FHOD3: variants seen among roughly 807,000 people sequenced by gnomAD.
The protein encoded by FHOD3 is formin homology 2 domain containing 3.
A neutral mutation model predicts 173.0 loss-of-function variants in FHOD3; 90 were observed. The observed-to-expected ratio is 0.52, with a 90% CI of 0.44 to 0.62. The LOEUF (loss-of-function observed/expected upper bound fraction) is 0.62. Among genes scored for constraint, FHOD3 ranks in the 20% least tolerant of loss-of-function variants. FHOD3 has a pLI of 0.00. For synonymous variants in FHOD3, 828 were observed against 823.0 expected (o/e 1.01, Z -0.10); for missense variants, 1,945 against 2,034.7 (o/e 0.96, Z 0.85).
At chr18:36,708,106 A>G (rs1172466023) in intron 17 of FHOD3, among the ~76,000 whole-genome samples, 1 of 152,228 alleles carries the variant, frequency 6.6e-6, no homozygotes, top group Non-Finnish European at 1.5e-5. Flanking sequence ...TTAAAAAAGC[A>G]TAAGCCAGAT....
At position 36,424,341 on chromosome 18, in the gene FHOD3, G is replaced by A. The variant is rs754898644; in HGVS notation, c.337+51597G>A. On this transcript the variant is annotated intron_variant, in intron 3 of 28. Coordinates refer to ENST00000590592, the MANE Select transcript of FHOD3 (RefSeq NM_001281740.3). Reference sequence around the variant, plus strand: ...TATTAGGCTCCTCTCTTTTTTCCCCGTATGCCTTCTGGTGTTATTGTGAGA... The same window carrying A: ...TATTAGGCTCCTCTCTTTTTTCCCCATATGCCTTCTGGTGTTATTGTGAGA... Among the ~76,000 whole-genome samples the A allele has an allele frequency of 2.0e-5, 3 of 151,896 alleles. No individual in the cohort carries two copies. The South Asian group carries it at 6.2e-4, about 32-fold the overall frequency.
intron 10 of FHOD3, among the ~76,000 whole-genome samples, chr18:36,631,788 T>C (rs779118545): frequency 4.6e-5 from 7 of 152,250 alleles, no homozygotes; most frequent in African/African-American, 1.4e-4. Context: ...CCCTTATTTC[T>C]GTTATTCTGT....
chr18:36,748,382 A>AGC (rs1555836081), intron 24 of FHOD3, among the ~76,000 whole-genome samples: 2 of 143,484 alleles, frequency 1.4e-5, no homozygotes, highest in Non-Finnish European at 3.1e-5. Flanking sequence ...ACACACACAC[A>AGC]ACACACACAC....
rs188229224 is a variant in FHOD3 at position 36,754,987 on chromosome 18, T to A, written c.4233-132T>A. The A allele has an allele frequency of 2.1e-5, 4 of 194,014 alleles. No homozygotes were observed. In the East Asian group the frequency reaches 4.3e-4, roughly 21 times the overall value. 12.0% of individuals were successfully genotyped at this position (194,014 alleles called of 1,614,324 possible). A position where few individuals can be genotyped will look rare whatever the true frequency, so the allele number is the denominator to read the frequency against. ...GGCTTGTTGGTTTCTTTATTATTATTATTATTATTATTATTATTATTATTA... is the reference window on the plus strand; with the variant it reads ...GGCTTGTTGGTTTCTTTATTATTATAATTATTATTATTATTATTATTATTA... On this transcript the variant is annotated intron_variant, in intron 24 of 28. Coordinates refer to ENST00000590592, the MANE Select transcript of FHOD3 (RefSeq NM_001281740.3).
At chr18:36,547,013 C>T (rs771833645) in intron 5 of FHOD3, among the ~76,000 whole-genome samples, 15 of 152,168 alleles carry the variant, frequency 9.9e-5, no homozygotes, top group East Asian at 1.9e-4. Flanking sequence ...TGCCTCACAG[C>T]GCTGACCCCG....
At chr18:36,504,434 C>T (rs1362875671) in intron 4 of FHOD3, among the ~76,000 whole-genome samples, 2 of 152,128 alleles carry the variant, frequency 1.3e-5, no homozygotes, top group Admixed American at 1.3e-4. Context: ...GAGCTCATGT[C>T]CTTTGCAGGG....
intron 3 of FHOD3, among the ~76,000 whole-genome samples, chr18:36,383,209 G>C (rs1404129581): frequency 6.6e-6 from 1 of 152,150 alleles, no homozygotes; most frequent in Non-Finnish European, 1.5e-5. Context: ...ATGTCACCTA[G>C]GAATGGATGG....
chr18:36,611,537 C>G (rs2032675893), intron 8 of FHOD3, among the ~76,000 whole-genome samples: 1 of 152,218 alleles, frequency 6.6e-6, no homozygotes, highest in Non-Finnish European at 1.5e-5. Flanking sequence ...CAGTCCAGCT[C>G]AGAGAAGAGC....
At chr18:36,437,509 A>T (rs1369964546) in intron 3 of FHOD3, among the ~76,000 whole-genome samples, 1 of 152,114 alleles carries the variant, frequency 6.6e-6, no homozygotes, top group Non-Finnish European at 1.5e-5. Flanking sequence ...CTAATGTTAA[A>T]ATATTTGACA....
At chr18:36,413,844 A>G (rs111939521) in intron 3 of FHOD3, among the ~76,000 whole-genome samples, 3 of 152,228 alleles carry the variant, frequency 2.0e-5, no homozygotes, top group Admixed American at 6.5e-5. Flanking sequence ...CCATCACCAA[A>G]AAGTGTCTTC....
At chr18:36,704,520 GT>G (rs2039762174) in intron 17 of FHOD3, among the ~76,000 whole-genome samples, 3 of 152,224 alleles carry the variant, frequency 2.0e-5, no homozygotes, top group African/African-American at 7.2e-5. Context: ...ATCCAGGGTG[GT>G]TATGGACAAG....
chr18:36,386,537 A>T (rs1044007102), intron 3 of FHOD3, among the ~76,000 whole-genome samples: 3 of 152,242 alleles, frequency 2.0e-5, no homozygotes, highest in African/African-American at 4.8e-5. Context: ...TGCCCAGGCC[A>T]GTGTGAGTCA....
intron 3 of FHOD3, among the ~76,000 whole-genome samples, chr18:36,458,958 G>T (rs192231587): frequency 6.9e-4 from 105 of 152,148 alleles, no homozygotes; most frequent in Non-Finnish European, 1.3e-4. Flanking sequence ...GTTGCCTTTT[G>T]CCATGACCCC....
intron 21 of FHOD3, among the ~76,000 whole-genome samples, chr18:36,741,856 ATGG>A (rs2041918961): frequency 6.6e-6 from 1 of 151,952 alleles, no homozygotes; most frequent in African/African-American, 2.4e-5. Flanking sequence ...TGAGGGCCAG[ATGG>A]TGGTGGGTTT....
intron 3 of FHOD3, among the ~76,000 whole-genome samples, chr18:36,481,629 AT>A (rs2053904848): frequency 6.6e-6 from 1 of 152,116 alleles, no homozygotes; most frequent in South Asian, 2.1e-4. Flanking sequence ...CTCTCTTGGT[AT>A]TTTGAGATAG....
intron 3 of FHOD3, among the ~76,000 whole-genome samples, chr18:36,389,091 A>G (rs924857655): frequency 6.6e-6 from 1 of 152,168 alleles, no homozygotes; most frequent in South Asian, 2.1e-4. Context: ...GATCGTGATG[A>G]TATAGGACAT....
rs2149401685 is a variant in FHOD3 at position 36,681,582 on chromosome 18, C to A, written c.1970+12C>A. 1 of 1,598,942 alleles carries A rather than the reference C, an allele frequency of 6.3e-7. No homozygotes were observed. The highest frequency in any genetic ancestry group is 8.5e-7 in the Non-Finnish European group (1 of 1,175,734). ...AGAAACAAATTCAGGTAAGAAGGATCTTAAGATTTTTTTTAAATAGTGAGT... is the reference window on the plus strand; with the variant it reads ...AGAAACAAATTCAGGTAAGAAGGATATTAAGATTTTTTTTAAATAGTGAGT... On this transcript the variant is annotated intron_variant, in intron 15 of 28. Coordinates refer to ENST00000590592, the MANE Select transcript of FHOD3 (RefSeq NM_001281740.3).
intron 27 of FHOD3, among the ~76,000 whole-genome samples, chr18:36,768,752 A>G (rs1049243936): frequency 3.3e-5 from 5 of 152,206 alleles, no homozygotes; most frequent in Non-Finnish European, 7.3e-5. Flanking sequence ...TATAAAATCT[A>G]TTTCTTTCTA....
intron 1 of FHOD3, among the ~76,000 whole-genome samples, chr18:36,319,769 G>T (rs923240578): frequency 6.6e-6 from 1 of 152,172 alleles, no homozygotes; most frequent in Non-Finnish European, 1.5e-5. Context: ...TAAAAGAACA[G>T]AAATCATGAC....
Sources: gnomAD v4.1 joint callset for allele counts (sites outside exome capture counted in the v4.1 genomes callset) on GRCh38, gnomAD v4.1.1 for gene constraint, MANE v1.5 for transcripts, NCBI Gene and HGNC (gene_info 2026-07-23, HGNC 2026-07-21) for gene names.